PCDHGB7: variants seen among roughly 807,000 people sequenced by gnomAD.
PCDHGB7 encodes the protein protocadherin gamma subfamily B, 7.
A neutral mutation model predicts 61.4 loss-of-function variants in PCDHGB7; 37 were observed. That is an observed-to-expected ratio of 0.60 (90% CI 0.46 to 0.79). The LOEUF is 0.79. Among genes scored for constraint, PCDHGB7 ranks in the 30% least tolerant of loss-of-function variants. The probability of loss-of-function intolerance (pLI) is 0.00; values close to 1 mark genes in which losing one functional copy is unlikely to be tolerated. For synonymous variants in PCDHGB7, 464 were observed against 503.5 expected (o/e 0.92, Z 1.05); for missense variants, 1,166 against 1,202.5 (o/e 0.97, Z 0.45).
rs1561783927 is a variant in PCDHGB7, at chr5:141,419,746, G to A, written c.1887G>A (p.Val629=). ...TGCGAACAGGCGAGGTGCGCATGGT[G>A]CGTGCTTTGGGTGACAAGGACTCGG... The part of the protein sequence containing the change: ...LGLRTGEVRM[V]RALGDKDSVR... Residue 629 remains valine, a synonymous_variant, in exon 1 of 4, where the codon GTG becomes GTA. Coordinates refer to ENST00000398594, the MANE Select transcript of PCDHGB7 (RefSeq NM_018927.4). 1.2e-6 allele frequency: 2 copies of A among 1,613,896 alleles called. No homozygotes were observed. Among genetic ancestry groups the A allele is most frequent in the Admixed American group, 1.7e-5 (1 of 60,036 alleles).
chr5:141,505,270 G>A (rs550800630), intron 2 of PCDHGB7, 123 bp from the exon 3 acceptor site: 103 of 1,520,724 alleles, frequency 6.8e-5, no homozygotes, highest in Middle Eastern at 4.6e-4. Context: ...CTTGCTGAGA[G>A]AAACAGGTCT....
chr5:141,506,085 G>A lies in PCDHGB7; in HGVS notation c.2563+604G>A, dbSNP rs532931472. Among the ~76,000 whole-genome samples the A allele has an allele frequency of 2.6e-4, 39 of 152,168 alleles. 1 individual carries two copies. In the South Asian group the frequency reaches 2.9e-3, roughly 11 times the overall value. On this transcript the variant is annotated intron_variant, in intron 3 of 3. Coordinates refer to ENST00000398594, the MANE Select transcript of PCDHGB7 (RefSeq NM_018927.4). ...AGGGCTTCCTTTGTAATAGAGATTC[G>A]GCTAGTGGTGGTTGTCCCTGAAGAG...
At chr5:141,478,498 G>T in intron 1 of PCDHGB7, 1 of 1,612,710 alleles carries the variant, frequency 6.2e-7, no homozygotes, top group South Asian at 1.1e-5. Context: ...GCTGTGATCC[G>T]GTGTTCTATA....
At chr5:141,444,621 G>A (rs1265458898) in intron 1 of PCDHGB7, among the ~76,000 whole-genome samples, 1 of 152,132 alleles carries the variant, frequency 6.6e-6, no homozygotes, top group Non-Finnish European at 1.5e-5. Flanking sequence ...CATGTGGCAT[G>A]ATGCACCAGT....
chr5:141,458,404 G>A lies in PCDHGB7; in HGVS notation c.2416-36403G>A, dbSNP rs183963289. Among the ~76,000 whole-genome samples the A allele has an allele frequency of 4.6e-5, 7 of 152,218 alleles. No homozygotes were observed. The East Asian group carries it at 5.8e-4, about 13-fold the overall frequency. ...GGAAGACGCTCCCCCTTGCAGAGAC[G>A]GAGCGGGGGTTCCAAAGCTGAAAGA... On this transcript the variant is annotated intron_variant, in intron 1 of 3. Transcript: ENST00000398594.
rs202006594 is a variant in PCDHGB7 at position 141,477,618 on chromosome 5, C to G, written c.2416-17189C>G. On this transcript the variant is annotated intron_variant, in intron 1 of 3. Coordinates refer to ENST00000398594, the MANE Select transcript of PCDHGB7 (RefSeq NM_018927.4). The surrounding 1 kb of genome is among the most constrained non-coding windows in gnomAD (Gnocchi z 4.9). ...TCTTTCTTTCTCTTGGAGCAAGGAGCTGAAACCGGGCTAGTGGGTCGCTAT... is the reference window on the plus strand; with the variant it reads ...TCTTTCTTTCTCTTGGAGCAAGGAGGTGAAACCGGGCTAGTGGGTCGCTAT... 6.2e-7 allele frequency: 1 copy of G among 1,614,176 alleles called. No individual in the cohort carries two copies. Among genetic ancestry groups the G allele is most frequent in the East Asian group, 2.2e-5 (1 of 44,890 alleles).
At chr5:141,510,677 A>G (rs2099882239) in intron 3 of PCDHGB7, among the ~76,000 whole-genome samples, 2 of 152,212 alleles carry the variant, frequency 1.3e-5, no homozygotes, top group African/African-American at 4.8e-5. Context: ...CTGAAGTGGC[A>G]TAAGGAGGTT....
In PCDHGB7 at chr5:141,433,837, CA is replaced by C. The variant is rs56191208; in HGVS notation, c.2415+13581del. ...GGGCAACAAGAGTGAAACTCTATCT[CA>C]AAAAAAAAAAAAAAAAACTTTATCC... On this transcript the variant is annotated intron_variant, in intron 1 of 3. Coordinates refer to ENST00000398594, the MANE Select transcript of PCDHGB7 (RefSeq NM_018927.4). Among the ~76,000 whole-genome samples, 895 of 111,670 alleles carry C rather than the reference CA, an allele frequency of 8.0e-3. 6 individuals carry two copies. Among genetic ancestry groups the C allele is most frequent in the South Asian group, 0.02 (67 of 3,288 alleles). The allele number at this position is 111,670 out of a possible 152,430, so 73.3% of individuals were successfully genotyped here. A position where few individuals can be genotyped will look rare whatever the true frequency, so the allele number is the denominator to read the frequency against.
intron 2 of PCDHGB7, among the ~76,000 whole-genome samples, chr5:141,501,290 TACACACACACACACACACACACAC>T (rs55762287): frequency 7.3e-6 from 1 of 136,162 alleles, no homozygotes; most frequent in African/African-American, 2.7e-5. Flanking sequence ...TATTCCCTTA[TACACACACACACACACACACACAC>T]ACACACACAC....
At chr5:141,424,894 T>C (rs868851823) in intron 1 of PCDHGB7, among the ~76,000 whole-genome samples, 44 of 152,320 alleles carry the variant, frequency 2.9e-4, no homozygotes, top group African/African-American at 9.9e-4. Flanking sequence ...TCTAGGGTTT[T>C]TGATCACAGG....
chr5:141,423,875 A>G (rs1354115544), intron 1 of PCDHGB7: 8 of 1,282,448 alleles, frequency 6.2e-6, no homozygotes, highest in African/African-American at 3.1e-5. Context: ...TCATTTTTCA[A>G]TCTTGGCATA....
chr5:141,451,284 G>A (rs950768919), intron 1 of PCDHGB7, among the ~76,000 whole-genome samples: 1 of 152,186 alleles, frequency 6.6e-6, no homozygotes. Context: ...GAGTGCCTCT[G>A]CCTCAAAGTC....
At chr5:141,427,857 G>A (rs746661329) in intron 1 of PCDHGB7, 36 of 1,554,574 alleles carry the variant, frequency 2.3e-5, no homozygotes, top group Non-Finnish European at 2.9e-5. Context: ...GCAGCTGTGC[G>A]CCTTCGAGCT....
intron 1 of PCDHGB7, among the ~76,000 whole-genome samples, chr5:141,448,180 G>C (rs961721974): frequency 1.3e-5 from 2 of 151,998 alleles, no homozygotes; most frequent in African/African-American, 2.4e-5. Flanking sequence ...TTCATCCCTG[G>C]TTATGTACAC....
intron 1 of PCDHGB7, among the ~76,000 whole-genome samples, chr5:141,457,656 G>T (rs2098926936): frequency 6.6e-6 from 1 of 152,244 alleles, no homozygotes; most frequent in Non-Finnish European, 1.5e-5. Context: ...ATGAAGTGCA[G>T]CAAGAATGGT....
At chr5:141,500,188 ATT>A (rs2099797463) in intron 2 of PCDHGB7, among the ~76,000 whole-genome samples, 1 of 98,146 alleles carries the variant, frequency 1.0e-5, no homozygotes, top group African/African-American at 5.1e-5. Flanking sequence ...TTTTATTTTT[ATT>A]TATTTATTTA....
Position 141,431,560 on chromosome 5 carries a change from C to G in PCDHGB7, c.2415+11286C>G, listed in dbSNP as rs751276470. The G allele has an allele frequency of 6.2e-7, 1 of 1,613,986 alleles. No individual in the cohort carries two copies. The highest frequency in any genetic ancestry group is 1.7e-5 in the Admixed American group (1 of 60,016). On this transcript the variant is annotated intron_variant, in intron 1 of 3. Transcript: ENST00000398594. This position sits in a 1 kb window ranked among gnomAD's most constrained non-coding sequence, Gnocchi z 4.8. Reference sequence around the variant, plus strand: ...CGCAGCTGCTTGTAGTCAACGCTACCGACCCTGACGAAGGAGTCAATGCGG... The same window carrying G: ...CGCAGCTGCTTGTAGTCAACGCTACGGACCCTGACGAAGGAGTCAATGCGG...
At chr5:141,423,225 C>T (rs763729316) in intron 1 of PCDHGB7, 3 of 1,613,804 alleles carry the variant, frequency 1.9e-6, no homozygotes, top group South Asian at 1.1e-5. Context: ...TGGCTGTGGC[C>T]GACAGCATCC....
chr5:141,470,550 A>G (rs899475300), intron 1 of PCDHGB7, among the ~76,000 whole-genome samples: 1 of 152,120 alleles, frequency 6.6e-6, no homozygotes, highest in Non-Finnish European at 1.5e-5. Flanking sequence ...ATTTATTGAG[A>G]GTTTCCTCTG....
Sources: allele counts gnomAD v4.1 joint callset (sites outside exome capture counted in the v4.1 genomes callset), GRCh38; gene constraint gnomAD v4.1.1; non-coding constraint Gnocchi (gnomAD v3.1); transcripts MANE v1.5; gene names NCBI Gene and HGNC (gene_info 2026-07-23, HGNC 2026-07-21).